The following KIR3DL3 variants were observed in gnomAD, a reference collection of about 807,000 sequenced individuals.
KIR3DL3 encodes the protein killer cell immunoglobulin-like receptor 3DL3.
A neutral mutation model predicts 34.9 loss-of-function variants in KIR3DL3; 27 were observed. The ratio of observed to expected loss-of-function variants is 0.77; its 90% CI spans 0.57 to 1.07. The LOEUF is 1.07. Ranked by LOEUF, KIR3DL3 falls within the 50% of genes least tolerant of loss-of-function variation. KIR3DL3 has a pLI of 0.00. For synonymous variants in KIR3DL3, 217 were observed against 200.2 expected (o/e 1.08, Z -0.71); for missense variants, 681 against 528.5 (o/e 1.29, Z -2.83).
At chr19:54,732,996 C>T (rs1239469573) in intron 5 of KIR3DL3, among the ~76,000 whole-genome samples, 24 of 152,234 alleles carry the variant, frequency 1.6e-4, no homozygotes, top group Non-Finnish European at 2.9e-4. Flanking sequence ...AGGCAATTCC[C>T]GCCCCACTGG....
intron 4 of KIR3DL3, among the ~76,000 whole-genome samples, chr19:54,728,122 C>A (rs2068406058): frequency 1.3e-5 from 2 of 151,564 alleles, no homozygotes; most frequent in Non-Finnish European, 2.9e-5. Context: ...AGGGGCCATA[C>A]AAGGTGTTAG....
At chr19:54,734,997 C>T (rs1322019812) in intron 5 of KIR3DL3, among the ~76,000 whole-genome samples, 1 of 142,552 alleles carries the variant, frequency 7.0e-6, no homozygotes, top group African/African-American at 2.7e-5. Context: ...CCAAGAGGCC[C>T]AACCTCCCAC....
intron 5 of KIR3DL3, among the ~76,000 whole-genome samples, chr19:54,733,364 T>C (rs1404708509): frequency 1.3e-5 from 2 of 152,116 alleles, no homozygotes; most frequent in African/African-American, 4.8e-5. Context: ...AAACCCCGTC[T>C]GTACTAAAAA....
Position 54,724,677 on chromosome 19 carries a change from C to T in KIR3DL3, c.34+147C>T, listed in dbSNP as rs2067932115. The T allele has an allele frequency of 5.2e-5, 73 of 1,405,978 alleles. No homozygotes were observed. The South Asian group carries it at 8.1e-4, about 16-fold the overall frequency. The allele number at this position is 1,405,978 out of a possible 1,614,324, so 87.1% of individuals were successfully genotyped here. A position where few individuals can be genotyped will look rare whatever the true frequency, so the allele number is the denominator to read the frequency against. ...TATGGGCCTGGGGTGGAGATATGGG[C>T]CTGGAGTGGAGATATGGGCCTGGAA... On this transcript the variant is annotated intron_variant, in intron 1 of 7. Transcript: ENST00000291860.
intron 6 of KIR3DL3, 26 bp downstream of exon 6, chr19:54,735,383 A>C: frequency 4.6e-6 from 5 of 1,098,886 alleles, no homozygotes; most frequent in Non-Finnish European, 7.0e-6. Context: ...CAGAAGCCAG[A>C]GAGCTCAGGG....
At position 54,729,617 on chromosome 19, in the gene KIR3DL3, G is replaced by C; in HGVS notation, c.780G>C (p.Glu260Asp). ...FDIYHLSREA[E>D]AGELRLTAVL... ...TTTACCATCTATCCAGGGAGGCGGA[G>C]GCCGGTGAACTTAGGCTCACTGCAG... The change falls in exon 5 of 8, where the codon GAG becomes GAC. Residue 260 changes from glutamate (E) to aspartate (D), a missense_variant. Transcript: ENST00000291860. 1 of 1,603,338 alleles carries C rather than the reference G, an allele frequency of 6.2e-7. No individual in the cohort carries two copies. The highest frequency in any genetic ancestry group is 1.4e-5 in the African/African-American group (1 of 72,868).
rs764412519 is a variant in KIR3DL3, at chr19:54,727,628, T to G, written c.373T>G (p.Ser125Ala). The G allele has an allele frequency of 1.9e-6, 3 of 1,610,770 alleles. No homozygotes were observed. Among genetic ancestry groups the G allele is most frequent in the Non-Finnish European group, 2.5e-6 (3 of 1,179,072 alleles). The change falls in exon 4 of 8, where the codon TCC becomes GCC. Residue 125 changes from serine to alanine, a missense_variant. Physicochemically the swap from Ser to Ala is moderately conservative, Grantham distance 99. Transcript: ENST00000291860. ...CTTCTTAGGAGTCCACAGAAAACCT[T>G]CCCTCCTGGCCCACCCAGGTCCCCT... ...IMVTGVHRKP[S>A]LLAHPGPLVK...
intron 3 of KIR3DL3, among the ~76,000 whole-genome samples, chr19:54,727,186 T>G (rs939277421): frequency 8.5e-6 from 1 of 117,758 alleles, no homozygotes; most frequent in African/African-American, 3.1e-5. Flanking sequence ...CCAATCCCCA[T>G]CAGGAACAGG....
At chr19:54,731,211 G>A (rs1206408858) in intron 5 of KIR3DL3, among the ~76,000 whole-genome samples, 2 of 151,956 alleles carry the variant, frequency 1.3e-5, no homozygotes, top group African/African-American at 2.4e-5. Flanking sequence ...TCGCTATATT[G>A]GCCAGGCTGC....
chr19:54,732,441 A>G (rs1161383412), intron 5 of KIR3DL3, among the ~76,000 whole-genome samples: 1 of 144,172 alleles, frequency 6.9e-6, no homozygotes, highest in Non-Finnish European at 1.5e-5. Flanking sequence ...TTTTTTTAGT[A>G]GAAATGAGGT....
intron 2 of KIR3DL3, 122 bp from the exon 3 acceptor site, chr19:54,725,931 C>T (rs1217983767): frequency 2.2e-6 from 2 of 916,334 alleles, no homozygotes; most frequent in East Asian, 2.4e-5. Flanking sequence ...CTTCCTGTAG[C>T]CCTGGGCACC....
In KIR3DL3 at chr19:54,729,557, G is replaced by T; in HGVS notation, c.720G>T (p.Val240=). Residue 240 remains valine (V), a synonymous_variant, in exon 5 of 8, where the codon GTG becomes GTT. Coordinates refer to ENST00000291860, the MANE Select transcript of KIR3DL3 (RefSeq NM_153443.5). ...PGPTVQAGEN[V]TLSCSSRSLF... ...CCACGGTTCAGGCAGGAGAGAATGT[G>T]ACCTTGTCCTGCAGCTCCCGGAGCT... The T allele has an allele frequency of 6.2e-7, 1 of 1,607,370 alleles. No homozygotes were observed.
At chr19:54,728,395 A>G (rs35550185) in intron 4 of KIR3DL3, among the ~76,000 whole-genome samples, 85,887 of 139,316 alleles carry the variant, frequency 0.62, 27,085 homozygotes, top group East Asian at 0.89. Context: ...TGGAGCTGTC[A>G]TCGTCCCAGG....
chr19:54,729,529 G>T lies in KIR3DL3; in HGVS notation c.692G>T (p.Gly231Val). 6.2e-7 allele frequency: 1 copy of T among 1,605,588 alleles called. No homozygotes were observed. The change falls in exon 5 of 8, where the codon GGC becomes GTC. Residue 231 changes from glycine (G) to valine (V), a missense_variant. Physicochemically the swap from Gly to Val is moderately radical, Grantham distance 109 (BLOSUM62 -3). Coordinates refer to ENST00000291860, the MANE Select transcript of KIR3DL3 (RefSeq NM_153443.5). ...YGKPSLSAQP[G>V]PTVQAGENVT... Reference sequence around the variant, plus strand: ...AAACCTTCTCTCTCAGCCCAGCCGGGCCCCACGGTTCAGGCAGGAGAGAAT... The same window carrying T: ...AAACCTTCTCTCTCAGCCCAGCCGGTCCCCACGGTTCAGGCAGGAGAGAAT...
chr19:54,732,962 C>T (rs1311752457), intron 5 of KIR3DL3, among the ~76,000 whole-genome samples: 1 of 152,150 alleles, frequency 6.6e-6, no homozygotes, highest in African/African-American at 2.4e-5. Context: ...AGGTGCGTAA[C>T]TGGAATCTAG....
chr19:54,734,114 C>CT (rs1285552783), intron 5 of KIR3DL3, among the ~76,000 whole-genome samples: 3 of 151,864 alleles, frequency 2.0e-5, no homozygotes, highest in African/African-American at 7.3e-5. Context: ...TTCTACTTCA[C>CT]TTTTTTTATC....
Position 54,729,491 on chromosome 19 carries a change from A to T in KIR3DL3, c.656-2A>T. 1 of 1,590,408 alleles carries T rather than the reference A, an allele frequency of 6.3e-7. No homozygotes were observed. The highest frequency in any genetic ancestry group is 2.3e-5 in the East Asian group (1 of 44,016). On this transcript the variant is annotated splice_acceptor_variant, in intron 4 of 7. Coordinates refer to ENST00000291860, the MANE Select transcript of KIR3DL3 (RefSeq NM_153443.5). LOFTEE classifies it high-confidence loss of function. ...TGAGGAAACCACCTCTTCTTCTTCC[A>T]GGTCTATATGGGAAACCTTCTCTCT...
chr19:54,729,898 CA>C, intron 5 of KIR3DL3, 112 bp downstream of exon 5: 3 of 1,002,998 alleles, frequency 3.0e-6, no homozygotes, highest in Non-Finnish European at 4.3e-6. Flanking sequence ...GAACACACAG[CA>C]TGGGTGTAAG....
chr19:54,726,542 A>T (rs1393664551), intron 3 of KIR3DL3, among the ~76,000 whole-genome samples: 8 of 146,116 alleles, frequency 5.5e-5, no homozygotes, highest in Non-Finnish European at 1.5e-5. Context: ...CCCTGTGACT[A>T]TTTATGTTAT....
Sources: gnomAD v4.1 joint callset for allele counts (sites outside exome capture counted in the v4.1 genomes callset) on GRCh38, gnomAD v4.1.1 for gene constraint, MANE v1.5 for transcripts, NCBI Gene and HGNC (gene_info 2026-07-23, HGNC 2026-07-21) for gene names.